RBFOX1: variants seen among roughly 807,000 people sequenced by gnomAD.
The protein encoded by RBFOX1 is RNA binding fox-1 homolog 1, also known as RNA binding protein fox-1 homolog 1.
Under a neutral mutation model 57.7 loss-of-function variants are expected in RBFOX1, and 8 were observed. That is an observed-to-expected ratio of 0.14 (90% CI 0.08 to 0.25). The LOEUF (loss-of-function observed/expected upper bound fraction) is 0.25, where lower values mean the gene tolerates loss of function less well. Ranked by LOEUF, RBFOX1 falls within the 10% of genes least tolerant of loss-of-function variation. The pLI, the probability that RBFOX1 is intolerant of heterozygous loss-of-function variation, is 1.00. For missense variants in RBFOX1, 611 were observed against 548.5 expected, an observed-to-expected ratio of 1.11 and a Z score of -1.14; for synonymous variants, 326 against 222.4, an observed-to-expected ratio of 1.47 and a Z score of -4.15.
chr16:6,562,864 C>CTTTT (rs1253608262), intron 2 of RBFOX1, among the ~76,000 whole-genome samples: 6 of 50,244 alleles, frequency 1.2e-4, no homozygotes, highest in East Asian at 5.0e-4. Context: ...TTCTTTCTTT[C>CTTTT]TTTCTTTCTT....
intron 2 of RBFOX1, among the ~76,000 whole-genome samples, chr16:5,482,608 C>T (rs548269166): frequency 7.2e-4 from 110 of 152,268 alleles, no homozygotes; most frequent in African/African-American, 2.5e-3. Context: ...TACATAGGTT[C>T]TGAGGCCGCA....
At chr16:7,122,901 T>A (rs1461955618) in intron 4 of RBFOX1, among the ~76,000 whole-genome samples, 1 of 152,208 alleles carries the variant, frequency 6.6e-6, no homozygotes, top group Non-Finnish European at 1.5e-5. Context: ...TGTGACAACT[T>A]GGATCTATTT....
At chr16:6,268,944 T>G (rs548072942) in intron 1 of RBFOX1, among the ~76,000 whole-genome samples, 6 of 152,150 alleles carry the variant, frequency 3.9e-5, no homozygotes, top group Non-Finnish European at 7.4e-5. Context: ...TAAAATGGCA[T>G]AGTGTTTGCA....
At chr16:5,250,668 G>C (rs2062428411) in intron 1 of RBFOX1, among the ~76,000 whole-genome samples, 1 of 151,500 alleles carries the variant, frequency 6.6e-6, no homozygotes, top group Non-Finnish European at 1.5e-5. Flanking sequence ...TTTTCAGGCA[G>C]CGTGTCTTTG....
At chr16:5,917,368 G>A (rs535259257) in intron 4 of RBFOX1, among the ~76,000 whole-genome samples, 2 of 152,260 alleles carry the variant, frequency 1.3e-5, no homozygotes, top group South Asian at 4.2e-4. Context: ...TGCATCTTAC[G>A]GTGAATCCTC....
intron 3 of RBFOX1, among the ~76,000 whole-genome samples, chr16:6,747,528 G>C (rs1439876204): frequency 1.3e-5 from 2 of 152,102 alleles, no homozygotes; most frequent in Admixed American, 1.3e-4. Flanking sequence ...CCTGGGATAT[G>C]TAAGAAGCCT....
intron 2 of RBFOX1, among the ~76,000 whole-genome samples, chr16:6,409,741 G>A (rs150719173): frequency 1.3e-5 from 2 of 152,290 alleles, no homozygotes; most frequent in Admixed American, 1.3e-4. Flanking sequence ...AAGCCAGCAA[G>A]AAATTTATAT....
intron 3 of RBFOX1, among the ~76,000 whole-genome samples, chr16:6,726,364 A>T (rs1036699116): frequency 1.6e-4 from 25 of 151,558 alleles, no homozygotes; most frequent in African/African-American, 5.8e-4. Context: ...CATTTGTAAA[A>T]AAATAATAAA....
chr16:7,183,696 G>T (rs1443892959), intron 4 of RBFOX1, among the ~76,000 whole-genome samples: 1 of 152,180 alleles, frequency 6.6e-6, no homozygotes, highest in Admixed American at 6.5e-5. Flanking sequence ...AATTTAGGAA[G>T]AGTTGACTCA....
chr16:7,321,071 C>CGTATACA (rs1555708876), intron 4 of RBFOX1, among the ~76,000 whole-genome samples: 988 of 72,868 alleles, frequency 0.014, 13 homozygotes, highest in African/African-American at 0.03. Flanking sequence ...ATCTGTCTAT[C>CGTATACA]TATACGTATA....
chr16:6,256,131 A>ATG (rs2097659727), intron 1 of RBFOX1, among the ~76,000 whole-genome samples: 1 of 34,610 alleles, frequency 2.9e-5, no homozygotes, highest in Non-Finnish European at 9.4e-5. Flanking sequence ...TAACAAATAT[A>ATG]TATATATGTG....
chr16:7,010,135 G>A (rs145077785), intron 3 of RBFOX1, among the ~76,000 whole-genome samples: 21 of 152,340 alleles, frequency 1.4e-4, no homozygotes, highest in African/African-American at 4.8e-4. Flanking sequence ...TGCAAAGCAC[G>A]TGATCATTCC....
chr16:7,218,164 C>G (rs555464830), intron 4 of RBFOX1, among the ~76,000 whole-genome samples: 2 of 152,068 alleles, frequency 1.3e-5, no homozygotes, highest in East Asian at 1.9e-4. Flanking sequence ...TCTTTCTAAC[C>G]CTATGATCCT....
intron 2 of RBFOX1, among the ~76,000 whole-genome samples, chr16:6,387,506 T>TA (rs1341030606): frequency 2.7e-5 from 4 of 149,968 alleles, no homozygotes; most frequent in Admixed American, 6.7e-5. Context: ...GAGAGAGGTG[T>TA]AAAAAAAATG....
chr16:6,986,493 C>A (rs996100404), intron 3 of RBFOX1, among the ~76,000 whole-genome samples: 1 of 152,176 alleles, frequency 6.6e-6, no homozygotes, highest in Non-Finnish European at 1.5e-5. Flanking sequence ...GCCACCACGT[C>A]CAGCCCCAGG....
At chr16:6,811,862 C>T (rs1170480070) in intron 3 of RBFOX1, among the ~76,000 whole-genome samples, 2 of 152,102 alleles carry the variant, frequency 1.3e-5, no homozygotes, top group Admixed American at 6.5e-5. Context: ...GCACTCGAGC[C>T]TGGGCAACAC....
chr16:7,084,297 A>T (rs765449100), intron 4 of RBFOX1, among the ~76,000 whole-genome samples: 2 of 152,068 alleles, frequency 1.3e-5, no homozygotes, highest in Non-Finnish European at 2.9e-5. Context: ...TATGAAATAC[A>T]TATATACACA....
chr16:6,264,956 C>A (rs866561251), intron 1 of RBFOX1, among the ~76,000 whole-genome samples: 3 of 152,192 alleles, frequency 2.0e-5, no homozygotes, highest in African/African-American at 7.2e-5. Flanking sequence ...TGTGTGGGAA[C>A]CGACTCTGAT....
At chr16:5,762,671 T>A (rs747025129) in intron 3 of RBFOX1, among the ~76,000 whole-genome samples, 9 of 152,172 alleles carry the variant, frequency 5.9e-5, no homozygotes, top group Non-Finnish European at 1.3e-4. Flanking sequence ...TTGTTTATAA[T>A]AATGAAAATT....
Sources: allele counts gnomAD v4.1 joint callset (sites outside exome capture counted in the v4.1 genomes callset), GRCh38; gene constraint gnomAD v4.1.1; transcripts MANE v1.5; gene names NCBI Gene and HGNC (gene_info 2026-07-23, HGNC 2026-07-21).